The following KIAA0930 variants were observed in gnomAD, a reference collection of about 807,000 sequenced individuals.
KIAA0930 encodes uncharacterized protein KIAA0930.
Under a neutral mutation model 43.9 loss-of-function variants are expected in KIAA0930, and 24 were observed. That is an observed-to-expected ratio of 0.55 (90% confidence interval 0.40 to 0.77). The LOEUF is 0.77. Ranked by LOEUF, KIAA0930 falls within the 30% of genes least tolerant of loss-of-function variation. KIAA0930 has a pLI of 0.00. For synonymous variants in KIAA0930, 259 were observed against 216.4 expected (o/e 1.20, Z -1.73); for missense variants, 461 against 574.2 (o/e 0.80, Z 2.02).
chr22:45,234,607 T>C (rs1007805410), intron 1 of KIAA0930, among the ~76,000 whole-genome samples: 6 of 152,210 alleles, frequency 3.9e-5, no homozygotes, highest in Admixed American at 3.9e-4. Flanking sequence ...CTCCAAGAAA[T>C]GGCCTCCCAG....
At chr22:45,225,403 T>C (rs1226986181) in intron 1 of KIAA0930, among the ~76,000 whole-genome samples, 1 of 152,130 alleles carries the variant, frequency 6.6e-6, no homozygotes, top group African/African-American at 2.4e-5. Context: ...GTCTCCACGT[T>C]GCGTGCCTAA....
chr22:45,235,785 G>C (rs2083884923), intron 1 of KIAA0930, among the ~76,000 whole-genome samples: 1 of 152,184 alleles, frequency 6.6e-6, no homozygotes, highest in Non-Finnish European at 1.5e-5. Flanking sequence ...GAGAATTTGT[G>C]GTCTCCAGTC....
chr22:45,203,236 G>A, intron 6 of KIAA0930, 52 bp from the exon 7 acceptor site: 1 of 1,526,552 alleles, frequency 6.6e-7, no homozygotes, highest in Non-Finnish European at 8.8e-7. Flanking sequence ...ATGGCTCCAT[G>A]GGGCCCCTCC....
At position 45,224,586 on chromosome 22, in the gene KIAA0930, GCCCCCGCCAT is replaced by G. The variant is rs112980950; in HGVS notation, c.65-12489_65-12480del. Among the ~76,000 whole-genome samples the G allele has an allele frequency of 3.0e-4, 46 of 152,308 alleles. 1 individual carries two copies. The highest frequency in any genetic ancestry group is 1.0e-3 in the African/African-American group (42 of 41,572). The stretch of plus-strand genomic sequence containing the variant: ...AGTTTGGTCTCATGCGGTCCCTGCT[GCCCCCGCCAT>G]CCCCAGCTTCAGTGGAAGCAGGATG... On this transcript the variant is annotated intron_variant, in intron 1 of 9. Coordinates refer to ENST00000336156, the MANE Select transcript of KIAA0930 (RefSeq NM_001009880.2).
intron 1 of KIAA0930, chr22:45,212,371 TC>T (rs2083702845): frequency 6.3e-7 from 1 of 1,594,316 alleles, no homozygotes; most frequent in Admixed American, 1.7e-5. Flanking sequence ...TGAGCCTGAC[TC>T]CAGCCTGGGG....
chr22:45,205,591 G>T, intron 4 of KIAA0930, 39 bp downstream of exon 4: 1 of 1,584,304 alleles, frequency 6.3e-7, no homozygotes, highest in Non-Finnish European at 8.7e-7. Context: ...AGCCTGAACT[G>T]GCAGTTAGGA....
chr22:45,230,134 C>T (rs940058541), intron 1 of KIAA0930, among the ~76,000 whole-genome samples: 2 of 152,176 alleles, frequency 1.3e-5, no homozygotes, highest in African/African-American at 4.8e-5. Flanking sequence ...GGAGAGGAGA[C>T]AGCCCAGGCA....
At position 45,196,651 on chromosome 22, in the gene KIAA0930, T is replaced by A. The variant is rs1209848426; in HGVS notation, c.*525A>T. The A allele has an allele frequency of 6.5e-6, 1 of 153,210 alleles. No individual in the cohort carries two copies. The highest frequency in any genetic ancestry group is 2.4e-5 in the African/African-American group (1 of 41,482). The allele number at this position is 153,210 out of a possible 1,614,324, so 9.5% of individuals were successfully genotyped here. On this transcript the variant is annotated 3_prime_UTR_variant, in exon 10 of 10. Transcript: ENST00000336156. This position sits in a 1 kb window ranked among gnomAD's most constrained non-coding sequence, Gnocchi z 4.1. The stretch of plus-strand genomic sequence containing the variant: ...AAACTTCTCGTGTTCCCATCTCCTA[T>A]TAGAACAAAGTGGTAAACTGGGGAG...
intron 1 of KIAA0930, among the ~76,000 whole-genome samples, chr22:45,216,033 AAAAAC>A (rs1219225317): frequency 2.0e-5 from 3 of 151,900 alleles, no homozygotes; most frequent in Non-Finnish European, 1.5e-5. Context: ...GTCTCAAAAA[AAAAAC>A]AAAAGAAAGG....
chr22:45,238,847 T>C (rs1429708472), intron 1 of KIAA0930, among the ~76,000 whole-genome samples: 1 of 152,020 alleles, frequency 6.6e-6, no homozygotes, highest in African/African-American at 2.4e-5. Flanking sequence ...GCTGCTATGC[T>C]GCTTCCTCAT....
chr22:45,204,006 A>G, intron 5 of KIAA0930, 21 bp from the exon 6 acceptor site: 1 of 1,612,722 alleles, frequency 6.2e-7, no homozygotes, highest in Non-Finnish European at 8.5e-7. Flanking sequence ...ACACAAAGAG[A>G]CAGGGACGTG....
Position 45,203,841 on chromosome 22 carries a change from T to C in KIAA0930, c.657+4A>G, listed in dbSNP as rs764589745. 3.7e-6 allele frequency: 6 copies of C among 1,613,638 alleles called. No homozygotes were observed. The highest frequency in any genetic ancestry group is 3.3e-5 in the South Asian group (3 of 91,056). On this transcript the variant is annotated splice_donor_region_variant and intron_variant, in intron 6 of 9. Coordinates refer to ENST00000336156, the MANE Select transcript of KIAA0930 (RefSeq NM_001009880.2). ...GAACACCCGTGAGGCCGCCCCGCAC[T>C]CACCCGGTTGTCATACACCTTCTTG...
In KIAA0930 at chr22:45,212,029, T is replaced by A; in HGVS notation, c.143A>T (p.Gln48Leu). The change falls in exon 2 of 10, where the codon CAG becomes CTG. Residue 48 changes from glutamine to leucine, a missense_variant. By Grantham distance (113) the Gln-to-Leu change is moderately radical. Coordinates refer to ENST00000336156, the MANE Select transcript of KIAA0930 (RefSeq NM_001009880.2). ...GCGCACATAGAAAAGCATGTCGTCCTGCCGGGGAGCCCATTTCTCCATGAA... is the reference window on the plus strand; with the variant it reads ...GCGCACATAGAAAAGCATGTCGTCCAGCCGGGGAGCCCATTTCTCCATGAA... ...TYFMEKWAPR[Q>L]DDMLFYVRRK... 1 of 1,613,960 alleles carries A rather than the reference T, an allele frequency of 6.2e-7. No homozygotes were observed. The highest frequency in any genetic ancestry group is 8.5e-7 in the Non-Finnish European group (1 of 1,180,036).
rs538585483 is a variant in KIAA0930 at position 45,211,574 on chromosome 22, G to A, written c.216+382C>T. ...GCACCGTCATCATCACCACCACTGA[G>A]TCAGGTCACCCTGCCATGGCCAAGG... is the stretch of plus-strand genomic sequence containing the variant. On this transcript the variant is annotated intron_variant, in intron 2 of 9. Coordinates refer to ENST00000336156, the MANE Select transcript of KIAA0930 (RefSeq NM_001009880.2). 3.6e-4 allele frequency: 169 copies of A among 465,670 alleles called. 3 individuals carry two copies. The South Asian group carries it at 7.6e-3, about 21-fold the overall frequency. The allele number at this position is 465,670 out of a possible 1,614,324, so 28.8% of individuals were successfully genotyped here.
intron 7 of KIAA0930, 116 bp from the exon 8 acceptor site, chr22:45,200,151 G>A (rs540702549): frequency 7.1e-5 from 77 of 1,091,558 alleles, no homozygotes; most frequent in African/African-American, 3.1e-4. Context: ...GGAAGAGGCC[G>A]CTGGCCCAGG....
chr22:45,228,054 G>A (rs1275901675), intron 1 of KIAA0930, among the ~76,000 whole-genome samples: 1 of 152,210 alleles, frequency 6.6e-6, no homozygotes, highest in African/African-American at 2.4e-5. Flanking sequence ...GGAGGGACCT[G>A]CAGATAGAGC....
intron 1 of KIAA0930, among the ~76,000 whole-genome samples, chr22:45,219,264 A>G (rs2083752507): frequency 6.6e-6 from 1 of 152,212 alleles, no homozygotes; most frequent in Non-Finnish European, 1.5e-5. Flanking sequence ...GCTCCTACAC[A>G]GTGCTCAGCA....
intron 1 of KIAA0930, among the ~76,000 whole-genome samples, chr22:45,229,026 A>G (rs557237615): frequency 1.1e-4 from 8 of 71,344 alleles, no homozygotes; most frequent in Admixed American, 1.6e-4. Flanking sequence ...ACTCACCCGA[A>G]AGATCCCTCT....
At chr22:45,207,163 C>G (rs1488769326) in intron 2 of KIAA0930, among the ~76,000 whole-genome samples, 1 of 148,352 alleles carries the variant, frequency 6.7e-6, no homozygotes, top group Non-Finnish European at 1.5e-5. Flanking sequence ...TCTGCCACCA[C>G]ACCTGGCTAA....
Sources: allele counts gnomAD v4.1 joint callset (sites outside exome capture counted in the v4.1 genomes callset), GRCh38; gene constraint gnomAD v4.1.1; non-coding constraint Gnocchi (gnomAD v3.1); transcripts MANE v1.5; gene names NCBI Gene and HGNC (gene_info 2026-07-23, HGNC 2026-07-21).